The following BCKDHB variants were observed in gnomAD, a reference collection of about 807,000 sequenced individuals.
BCKDHB encodes the protein 2-oxoisovalerate dehydrogenase subunit beta, mitochondrial.
Under a neutral mutation model 48.5 loss-of-function variants are expected in BCKDHB, and 41 were observed. The observed-to-expected ratio is 0.85, with a 90% CI of 0.66 to 1.10. The LOEUF (loss-of-function observed/expected upper bound fraction) is 1.10, where lower values mean the gene tolerates loss of function less well. Among genes scored for constraint, BCKDHB ranks in the 50% least tolerant of loss-of-function variants. The pLI, the probability that BCKDHB is intolerant of heterozygous loss-of-function variation, is 0.00. For synonymous variants in BCKDHB, 201 were observed against 174.8 expected (o/e 1.15, Z -1.18); for missense variants, 496 against 494.2 (o/e 1.00, Z -0.03).
the BCKDHB span, among the ~76,000 whole-genome samples, chr6:80,374,738 A>G: frequency 1.3e-5 from 2 of 152,156 alleles, no homozygotes; most frequent in African/African-American, 4.8e-5. Context: ...TTATTGTTTC[A>G]TAGATCCTGT....
At chr6:80,246,209 T>A (rs1414186229) in intron 8 of BCKDHB, among the ~76,000 whole-genome samples, 2 of 152,210 alleles carry the variant, frequency 1.3e-5, no homozygotes, top group African/African-American at 2.4e-5. Context: ...TGTTAAGCAA[T>A]AAAGAGAAAA....
intron 1 of BCKDHB, among the ~76,000 whole-genome samples, chr6:80,111,348 A>G (rs993118058): frequency 7.9e-5 from 12 of 152,134 alleles, no homozygotes; most frequent in African/African-American, 1.4e-4. Flanking sequence ...GTCTTCATCT[A>G]ATTTCTCTTT....
At chr6:80,445,636 TATC>T in the BCKDHB span, among the ~76,000 whole-genome samples, 1 of 152,294 alleles carries the variant, frequency 6.6e-6, no homozygotes, top group South Asian at 2.1e-4. Flanking sequence ...ATACCTAAAG[TATC>T]ATAAGATGCA....
the BCKDHB span, among the ~76,000 whole-genome samples, chr6:80,383,197 C>T: frequency 1.3e-5 from 2 of 152,202 alleles, no homozygotes; most frequent in Non-Finnish European, 1.5e-5. Context: ...TGCATATCTT[C>T]GATTTAATAT....
intron 5 of BCKDHB, chr6:80,169,662 T>G (rs1440279940): frequency 6.8e-6 from 4 of 584,624 alleles, no homozygotes; most frequent in Non-Finnish European, 1.0e-5. Flanking sequence ...TTTCTGTTTC[T>G]GTTTACTGAA....
the BCKDHB span, among the ~76,000 whole-genome samples, chr6:80,393,978 A>G: frequency 6.6e-5 from 10 of 152,212 alleles, no homozygotes; most frequent in Admixed American, 2.6e-4. Context: ...TTTGAAGGAC[A>G]TAGAATTATA....
the BCKDHB span, among the ~76,000 whole-genome samples, chr6:80,413,541 A>C: frequency 6.6e-6 from 1 of 152,184 alleles, no homozygotes; most frequent in African/African-American, 2.4e-5. Context: ...GTAAGTGAGA[A>C]TATATGGTAT....
chr6:80,440,899 G>A, the BCKDHB span: 2 of 152,140 alleles, frequency 1.3e-5, no homozygotes, highest in African/African-American at 2.4e-5. Flanking sequence ...TTCCAAGAGA[G>A]CCAGGATTAA....
At chr6:80,462,588 A>G in the BCKDHB span, among the ~76,000 whole-genome samples, 10 of 152,318 alleles carry the variant, frequency 6.6e-5, no homozygotes, top group African/African-American at 2.4e-4. Flanking sequence ...GCACATAGCC[A>G]GTGTTTCAGG....
the BCKDHB span, among the ~76,000 whole-genome samples, chr6:80,417,040 G>T: frequency 2.0e-5 from 3 of 152,030 alleles, no homozygotes; most frequent in Non-Finnish European, 4.4e-5. Flanking sequence ...GTGCTCCTGT[G>T]TTGGGTGCAT....
At chr6:80,199,026 C>T (rs1353857022) in intron 6 of BCKDHB, among the ~76,000 whole-genome samples, 1 of 152,130 alleles carries the variant, frequency 6.6e-6, no homozygotes, top group Non-Finnish European at 1.5e-5. Flanking sequence ...AGCAGTATTC[C>T]AGAATGAATT....
chr6:80,422,029 T>C, the BCKDHB span, among the ~76,000 whole-genome samples: 6 of 152,162 alleles, frequency 3.9e-5, no homozygotes, highest in Non-Finnish European at 7.3e-5. Context: ...CTCCAGAGCA[T>C]GCCAGAGTTC....
chr6:80,453,753 G>A, the BCKDHB span, among the ~76,000 whole-genome samples: 1 of 152,164 alleles, frequency 6.6e-6, no homozygotes, highest in Non-Finnish European at 1.5e-5. Context: ...CTCTGGGGAG[G>A]TTGCAAGTTC....
chr6:80,378,368 A>T, the BCKDHB span, among the ~76,000 whole-genome samples: 1 of 152,174 alleles, frequency 6.6e-6, no homozygotes, highest in African/African-American at 2.4e-5. Context: ...TTTACTTAGG[A>T]TAATGGCCTC....
chr6:80,322,108 G>A (rs72906139), intron 9 of BCKDHB, among the ~76,000 whole-genome samples: 5,161 of 152,066 alleles, frequency 0.034, 132 homozygotes, highest in Non-Finnish European at 0.053. Context: ...ACAACTAAAA[G>A]GTATGTACTT....
intron 1 of BCKDHB, 106 bp downstream of exon 1, chr6:80,106,995 C>A: frequency 7.3e-7 from 1 of 1,366,968 alleles, no homozygotes; most frequent in Non-Finnish European, 1.0e-6. Context: ...TGCATCCCAG[C>A]TTATTAACTT....
rs567285743 is a variant in BCKDHB at position 80,346,077 on chromosome 6, G to A, written c.*2273G>A. The A allele has an allele frequency of 6.6e-6, 1 of 152,092 alleles. No individual in the cohort carries two copies. The highest frequency in any genetic ancestry group is 2.4e-5 in the African/African-American group (1 of 41,508). 9.4% of individuals were successfully genotyped at this position (152,092 alleles called of 1,614,324 possible). A position where few individuals can be genotyped will look rare whatever the true frequency, so the allele number is the denominator to read the frequency against. Reference sequence around the variant, plus strand: ...TTTGAAAAGAGAGTTTTTATTAAGTGAACCATCACGATATTGGCTGAAAAG... The same window carrying A: ...TTTGAAAAGAGAGTTTTTATTAAGTAAACCATCACGATATTGGCTGAAAAG... On this transcript the variant is annotated 3_prime_UTR_variant, in exon 10 of 10. Coordinates refer to ENST00000320393, the MANE Select transcript of BCKDHB (RefSeq NM_183050.4).
At chr6:80,188,533 C>A (rs185500636) in intron 6 of BCKDHB, among the ~76,000 whole-genome samples, 1 of 151,822 alleles carries the variant, frequency 6.6e-6, no homozygotes, top group Non-Finnish European at 1.5e-5. Context: ...CAGATTCTTG[C>A]GAGGTTGAGA....
chr6:80,202,023 T>G (rs1172891001), intron 7 of BCKDHB, among the ~76,000 whole-genome samples: 4 of 152,180 alleles, frequency 2.6e-5, no homozygotes, highest in Non-Finnish European at 5.9e-5. Flanking sequence ...CCATTGATAT[T>G]GTCCTTGGTG....
Sources: allele counts gnomAD v4.1 joint callset (sites outside exome capture counted in the v4.1 genomes callset), GRCh38; gene constraint gnomAD v4.1.1; transcripts MANE v1.5; gene names NCBI Gene and HGNC (gene_info 2026-07-23, HGNC 2026-07-21).